The following CCNY variants were observed in gnomAD, a reference collection of about 807,000 sequenced individuals.
The protein encoded by CCNY is cyclin Y, also known as cyclin-Y.
A neutral mutation model predicts 42.8 loss-of-function variants in CCNY; 19 were observed. The observed-to-expected ratio is 0.44, with a 90% confidence interval of 0.31 to 0.65. CCNY has a LOEUF of 0.65. Ranked by LOEUF, CCNY falls within the 30% of genes least tolerant of loss-of-function variation. The probability of loss-of-function intolerance (pLI) is 0.07; values close to 1 mark genes in which losing one functional copy is unlikely to be tolerated. For synonymous variants in CCNY, 165 were observed against 162.7 expected, an observed-to-expected ratio of 1.01 and a Z score of -0.11; for missense variants, 370 against 437.3, an observed-to-expected ratio of 0.85 and a Z score of 1.37.
intron 2 of CCNY, 29 bp from the exon 3 acceptor site, chr10:35,501,472 C>G: frequency 6.2e-7 from 1 of 1,610,692 alleles, no homozygotes; most frequent in Non-Finnish European, 8.5e-7. Flanking sequence ...AGGCATATAA[C>G]ATTTCTGTTG....
At chr10:35,280,081 C>T (rs541092604) in intron 3 of CCNY, among the ~76,000 whole-genome samples, 32 of 152,242 alleles carry the variant, frequency 2.1e-4, no homozygotes, top group South Asian at 1.9e-3. Context: ...TATCTATGTC[C>T]AGTTGATTTT....
intron 1 of CCNY, among the ~76,000 whole-genome samples, chr10:35,458,782 A>G (rs952752714): frequency 1.3e-5 from 2 of 152,208 alleles, no homozygotes; most frequent in South Asian, 2.1e-4. Context: ...ACGCCTGCCC[A>G]TGCGTTTTTA....
At chr10:35,555,072 A>T (rs950945548) in intron 8 of CCNY, among the ~76,000 whole-genome samples, 1 of 152,220 alleles carries the variant, frequency 6.6e-6, no homozygotes, top group African/African-American at 2.4e-5. Context: ...CACACTGCCC[A>T]GTTCATGCAT....
At chr10:35,501,750 AT>A (rs1027112218) in intron 3 of CCNY, 7 of 499,462 alleles carry the variant, frequency 1.4e-5, no homozygotes, top group African/African-American at 1.3e-4. Flanking sequence ...CTAGACCACT[AT>A]TGTTCATGAG....
intron 3 of CCNY, among the ~76,000 whole-genome samples, chr10:35,327,319 A>G (rs1484774389): frequency 6.6e-6 from 1 of 152,182 alleles, no homozygotes; most frequent in Non-Finnish European, 1.5e-5. Flanking sequence ...TTCTATAACA[A>G]TAAATACAGA....
At chr10:35,492,069 C>T (rs111465148) in intron 2 of CCNY, among the ~76,000 whole-genome samples, 1,580 of 152,266 alleles carry the variant, frequency 0.01, 23 homozygotes, top group African/African-American at 0.036. Context: ...CTTCCTCACC[C>T]AGTCTGTGGC....
chr10:35,337,807 A>G (rs79152632), intron 1 of CCNY, among the ~76,000 whole-genome samples: 10,567 of 152,132 alleles, frequency 0.069, 588 homozygotes, highest in African/African-American at 0.16. Flanking sequence ...AATGCTCTTT[A>G]AAAGATTGTC....
intron 8 of CCNY, among the ~76,000 whole-genome samples, chr10:35,554,795 C>T (rs1484048132): frequency 6.6e-6 from 1 of 152,122 alleles, no homozygotes; most frequent in Non-Finnish European, 1.5e-5. Flanking sequence ...TGTATCCTAA[C>T]TATATTTCCA....
chr10:35,366,701 C>T (rs190459145), intron 1 of CCNY, among the ~76,000 whole-genome samples: 34 of 152,340 alleles, frequency 2.2e-4, no homozygotes, highest in African/African-American at 7.7e-4. Context: ...TTTTGTTCTA[C>T]AGCAGCACTG....
rs191122937 is a variant in CCNY at position 35,312,220 on chromosome 10, A to T, written c.-9+61594A>T. 6.8e-3 allele frequency among the ~76,000 whole-genome samples: 1,029 copies of T among 151,798 alleles called. 11 individuals are homozygous for T. Among genetic ancestry groups the T allele is most frequent in the African/African-American group, 0.024 (983 of 41,390 alleles). ...GTGAAACCCTGTCTTTACTAAAAAC[A>T]CAAAAACAAAATTAGCCGGGTGTGG... On this transcript the variant is annotated intron_variant, in intron 3 of 11. Transcript: ENST00000374706.
chr10:35,443,798 A>G (rs1047057807), intron 1 of CCNY, among the ~76,000 whole-genome samples: 1 of 152,070 alleles, frequency 6.6e-6, no homozygotes, highest in Non-Finnish European at 1.5e-5. Flanking sequence ...CCTCTTCCTT[A>G]TTTGGAGGTG....
At chr10:35,416,922 G>T (rs1399668798) in intron 1 of CCNY, among the ~76,000 whole-genome samples, 2 of 152,114 alleles carry the variant, frequency 1.3e-5, no homozygotes, top group Non-Finnish European at 2.9e-5. Context: ...TAGCAGGAAA[G>T]AAACTGAAGT....
intron 1 of CCNY, among the ~76,000 whole-genome samples, chr10:35,479,538 T>C (rs1399310167): frequency 1.6e-5 from 2 of 128,452 alleles, no homozygotes; most frequent in African/African-American, 6.2e-5. Flanking sequence ...TTCTCACTCA[T>C]AGGTGGGAAT....
At chr10:35,426,235 T>TCA (rs148127192) in intron 1 of CCNY, among the ~76,000 whole-genome samples, 10,539 of 140,630 alleles carry the variant, frequency 0.075, 593 homozygotes, top group African/African-American at 0.17. Flanking sequence ...ACATGCCCAT[T>TCA]CACACACACA....
chr10:35,424,218 T>TTTTTC (rs370155417), intron 1 of CCNY, among the ~76,000 whole-genome samples: 3,417 of 152,230 alleles, frequency 0.022, 62 homozygotes, highest in Non-Finnish European at 0.031. Context: ...CTCAAATGTT[T>TTTTTC]TTTTCTTTTC....
rs758143772 is a variant in CCNY at position 35,337,220 on chromosome 10, C to A, written c.154+13C>A. 6.0e-6 allele frequency: 9 copies of A among 1,511,300 alleles called. No individual in the cohort carries two copies. Among genetic ancestry groups the A allele is most frequent in the Non-Finnish European group, 8.0e-6 (9 of 1,125,562 alleles). 93.6% of individuals were successfully genotyped at this position (1,511,300 alleles called of 1,614,324 possible). On this transcript the variant is annotated intron_variant, in intron 1 of 9. Transcript: ENST00000374704. ...GAGAACATAGACGGTGAGTGCGGCC[C>A]GCCGAGCCCCCTACCCGCCCCCGCG...
chr10:35,459,634 G>C (rs1183045146), intron 1 of CCNY, among the ~76,000 whole-genome samples: 1 of 152,176 alleles, frequency 6.6e-6, no homozygotes, highest in Non-Finnish European at 1.5e-5. Context: ...AGGAAGTAAT[G>C]TGGTAGGGGA....
chr10:35,480,585 A>C (rs1386450335), intron 1 of CCNY, among the ~76,000 whole-genome samples: 1 of 152,164 alleles, frequency 6.6e-6, no homozygotes, highest in Non-Finnish European at 1.5e-5. Context: ...TCTTCTGGGA[A>C]CACCACCCTG....
At chr10:35,567,764 T>A (rs2135467653) in intron 9 of CCNY, among the ~76,000 whole-genome samples, 1 of 152,356 alleles carries the variant, frequency 6.6e-6, no homozygotes, top group Admixed American at 6.5e-5. Flanking sequence ...TAGAAAAGAC[T>A]GGATGCATAG....
Sources: gnomAD v4.1 joint callset for allele counts (sites outside exome capture counted in the v4.1 genomes callset) on GRCh38, gnomAD v4.1.1 for gene constraint, MANE v1.5 for transcripts, NCBI Gene and HGNC (gene_info 2026-07-23, HGNC 2026-07-21) for gene names.